SPO11: variants seen among roughly 807,000 people sequenced by gnomAD.
SPO11 encodes the protein SPO11 initiator of meiotic double strand breaks.
SPO11 carries 49 observed loss-of-function variants against 51.6 expected under a neutral mutation model. That is an observed-to-expected ratio of 0.95 (90% CI 0.75 to 1.20). The LOEUF is 1.20. Ranked by LOEUF, SPO11 falls within the 50% of genes most tolerant of loss-of-function variation. The pLI, the probability that SPO11 is intolerant of heterozygous loss-of-function variation, is 0.00. For missense variants in SPO11, 431 were observed against 473.4 expected, an observed-to-expected ratio of 0.91 and a Z score of 0.83; for synonymous variants, 176 against 158.2, an observed-to-expected ratio of 1.11 and a Z score of -0.84.
intron 8 of SPO11, chr20:57,337,910 G>A: frequency 3.9e-6 from 2 of 513,532 alleles, no homozygotes; most frequent in Admixed American, 4.2e-5. Context: ...ATTTTGAGGT[G>A]GAGTTTCACT....
Position 57,329,993 on chromosome 20 carries a change from C to T in SPO11, c.126C>T (p.Ala42=). The change falls in exon 1 of 13, where the codon GCC becomes GCT. Residue 42 remains alanine, a synonymous_variant. Transcript: ENST00000371263. Reference sequence around the variant, plus strand: ...CCCCAACTGGGGGAAGCCGCCTGGCCTCCAGGTACAGGAGCTGGTGCCGAG... The same window carrying T: ...CCCCAACTGGGGGAAGCCGCCTGGCTTCCAGGTACAGGAGCTGGTGCCGAG... The part of the protein sequence containing the change: ...REPPTGGSRL[A]SSSEVLASIE... 1 of 1,597,950 alleles carries T rather than the reference C, an allele frequency of 6.3e-7. No homozygotes were observed. Among genetic ancestry groups the T allele is most frequent in the Non-Finnish European group, 8.5e-7 (1 of 1,174,094 alleles).
chr20:57,331,866 C>T lies in SPO11; in HGVS notation c.165C>T (p.Ile55=). Residue 55 remains isoleucine, a synonymous_variant, in exon 2 of 13, where the codon ATC becomes ATT. Coordinates refer to ENST00000371263, the MANE Select transcript of SPO11 (RefSeq NM_012444.3). ...TTCTTGCATCTATAGAAAATATTAT[C>T]CAAGACATAATCACAAGCTTGGCAA... is the stretch of plus-strand genomic sequence containing the variant. ...SEVLASIENI[I]QDIITSLARN... is the part of the protein sequence containing the mutation. 1 of 1,604,616 alleles carries T rather than the reference C, an allele frequency of 6.2e-7. No individual in the cohort carries two copies. Among genetic ancestry groups the T allele is most frequent in the East Asian group, 2.2e-5 (1 of 44,534 alleles).
chr20:57,337,731 T>A, intron 8 of SPO11: 1 of 1,305,000 alleles, frequency 7.7e-7, no homozygotes, highest in South Asian at 1.2e-5. Context: ...TACATTTTTT[T>A]TTCACAGTCA....
intron 8 of SPO11, chr20:57,337,876 TTTA>T (rs2066532134): frequency 1.6e-6 from 1 of 617,356 alleles, no homozygotes; most frequent in African/African-American, 2.0e-5. Flanking sequence ...TAACCTATAA[TTTA>T]TTATTACTAT....
chr20:57,330,386 T>A (rs1218992267), intron 1 of SPO11, among the ~76,000 whole-genome samples: 2 of 152,280 alleles, frequency 1.3e-5, no homozygotes, highest in East Asian at 3.9e-4. Context: ...TTTTTTTGGT[T>A]TTTATTTTTT....
At position 57,343,338 on chromosome 20, in the gene SPO11, C is replaced by G; in HGVS notation, c.1072-3C>G. 1.2e-6 allele frequency: 2 copies of G among 1,605,252 alleles called. No homozygotes were observed. Among genetic ancestry groups the G allele is most frequent in the African/African-American group, 2.7e-5 (2 of 74,482 alleles). ...TATGAGTACATTTTACTTTTATTGA[C>G]AGATGGAAATAATGGCAGACTCTAA... is the stretch of plus-strand genomic sequence containing the variant. On this transcript the variant is annotated splice_region_variant and splice_polypyrimidine_tract_variant and intron_variant, in intron 12 of 12. Coordinates refer to ENST00000371263, the MANE Select transcript of SPO11 (RefSeq NM_012444.3).
At chr20:57,337,342 C>T (rs190890748) in intron 8 of SPO11, among the ~76,000 whole-genome samples, 5 of 152,284 alleles carry the variant, frequency 3.3e-5, no homozygotes, top group Admixed American at 6.5e-5. Flanking sequence ...GCCAGGTACT[C>T]TTCTAAGTGC....
rs374482597 is a variant in SPO11 at position 57,341,644 on chromosome 20, A to G, written c.960-1085A>G. On this transcript the variant is annotated intron_variant, in intron 11 of 12. Coordinates refer to ENST00000371263, the MANE Select transcript of SPO11 (RefSeq NM_012444.3). ...TCCTATAAAATGAGGGTCCAAGAGG[A>G]AACATTTCATTCTTTATTTTTGAAT... Among the ~76,000 whole-genome samples, 3 of 152,314 alleles carry G rather than the reference A, an allele frequency of 2.0e-5. No individual in the cohort carries two copies. The East Asian group carries it at 5.8e-4, about 29-fold the overall frequency.
In SPO11 at chr20:57,333,626, G is replaced by T. The variant is rs2066475181; in HGVS notation, c.335-61G>T. On this transcript the variant is annotated intron_variant, in intron 3 of 12. Transcript: ENST00000371263. ...AATTAAGTTAAAATCCTTGATAGCAGTATCTTTTGAATCAGTAAGAGAAAT... is the reference window on the plus strand; with the variant it reads ...AATTAAGTTAAAATCCTTGATAGCATTATCTTTTGAATCAGTAAGAGAAAT... 3.3e-6 allele frequency: 3 copies of T among 900,016 alleles called. No homozygotes were observed. In the East Asian group the frequency reaches 7.3e-5, roughly 22 times the overall value. 55.8% of individuals were successfully genotyped at this position (900,016 alleles called of 1,614,324 possible).
intron 11 of SPO11, among the ~76,000 whole-genome samples, chr20:57,342,231 C>T (rs1303350935): frequency 6.6e-6 from 1 of 152,078 alleles, no homozygotes; most frequent in Non-Finnish European, 1.5e-5. Context: ...AAGTGAGACA[C>T]TAACTTCCAT....
At chr20:57,341,120 C>G (rs137999916) in intron 11 of SPO11, among the ~76,000 whole-genome samples, 6 of 152,170 alleles carry the variant, frequency 3.9e-5, no homozygotes, top group African/African-American at 1.4e-4. Flanking sequence ...ATCACTTTTC[C>G]ATGTCAATAA....
chr20:57,342,958 A>G (rs2236330), intron 12 of SPO11, 118 bp downstream of exon 12: 271,658 of 712,618 alleles, frequency 0.38, 53,658 homozygotes, highest in African/African-American at 0.52. Context: ...CACGACTAAC[A>G]TAAGTGTTGT....
chr20:57,335,404 CTT>C lies in SPO11; in HGVS notation c.598-7_598-6del. The C allele has an allele frequency of 6.3e-7, 1 of 1,588,746 alleles. No homozygotes were observed. Among genetic ancestry groups the C allele is most frequent in the Non-Finnish European group, 8.6e-7 (1 of 1,167,070 alleles). On this transcript the variant is annotated splice_polypyrimidine_tract_variant and intron_variant, in intron 6 of 12. Coordinates refer to ENST00000371263, the MANE Select transcript of SPO11 (RefSeq NM_012444.3). ...TTTTGCTTTTTATGTAAGATAAAAA[CTT>C]TTTTTTTAAAAGGCTGTTGCTGTGC...
intron 8 of SPO11, among the ~76,000 whole-genome samples, chr20:57,336,842 G>A (rs1197378628): frequency 6.6e-6 from 1 of 152,196 alleles, no homozygotes; most frequent in Non-Finnish European, 1.5e-5. Context: ...ATTTACTGGT[G>A]TTTATCACAT....
intron 7 of SPO11, 141 bp downstream of exon 7, chr20:57,335,596 C>A: frequency 2.5e-6 from 2 of 792,470 alleles, no homozygotes; most frequent in Non-Finnish European, 4.0e-6. Flanking sequence ...ATGGTCCCTT[C>A]TTTAGTACTC....
rs569163059 is a variant in SPO11 at position 57,340,259 on chromosome 20, A to C, written c.959+81A>C. On this transcript the variant is annotated intron_variant, in intron 11 of 12. Transcript: ENST00000371263. ...AACAATAAGCCTAAAAAGTCACTAC[A>C]AGGGAAAGCTCTTAATGTTTTTTAT... The C allele has an allele frequency of 7.1e-6, 6 of 847,764 alleles. No individual in the cohort carries two copies. In the African/African-American group the frequency reaches 1.0e-4, roughly 14 times the overall value. 52.5% of individuals were successfully genotyped at this position (847,764 alleles called of 1,614,324 possible). A position where few individuals can be genotyped will look rare whatever the true frequency, so the allele number is the denominator to read the frequency against.
In SPO11 at chr20:57,343,613, C is replaced by T; in HGVS notation, c.*153C>T. On this transcript the variant is annotated 3_prime_UTR_variant, in exon 13 of 13. Transcript: ENST00000371263. ...CGTTAATTATATATTTTTGTCAAAACAAATGCTGTACTCCAATTTTCTTTG... is the reference window on the plus strand; with the variant it reads ...CGTTAATTATATATTTTTGTCAAAATAAATGCTGTACTCCAATTTTCTTTG... The T allele has an allele frequency of 1.1e-6, 1 of 880,232 alleles. No individual in the cohort carries two copies. Among genetic ancestry groups the T allele is most frequent in the Non-Finnish European group, 1.6e-6 (1 of 625,562 alleles). The allele number at this position is 880,232 out of a possible 1,614,324, so 54.5% of individuals were successfully genotyped here. A position where few individuals can be genotyped will look rare whatever the true frequency, so the allele number is the denominator to read the frequency against.
Position 57,343,383 on chromosome 20 carries a change from G to A in SPO11, c.1114G>A (p.Ala372Thr), listed in dbSNP as rs781661760. The A allele has an allele frequency of 1.2e-6, 2 of 1,610,526 alleles. No individual in the cohort carries two copies. Among genetic ancestry groups the A allele is most frequent in the South Asian group, 1.1e-5 (1 of 90,432 alleles). ...ADSKMKAEIQ[A>T]LTFLSSDYLS... ...CTCTAAAATGAAGGCAGAAATTCAA[G>A]CTTTGACTTTCCTATCATCAGATTA... The change falls in exon 13 of 13, where the codon GCT becomes ACT. Residue 372 changes from alanine (A) to threonine (T), a missense_variant. Physicochemically the swap from Ala to Thr is moderately conservative, Grantham distance 58. Coordinates refer to ENST00000371263, the MANE Select transcript of SPO11 (RefSeq NM_012444.3).
At chr20:57,343,178 T>C (rs969135955) in intron 12 of SPO11, among the ~76,000 whole-genome samples, 163 bp from the exon 13 acceptor site, 1 of 152,178 alleles carries the variant, frequency 6.6e-6, no homozygotes, top group Non-Finnish European at 1.5e-5. Flanking sequence ...GTACTCTCAC[T>C]CCAGATATTT....
Sources: allele counts gnomAD v4.1 joint callset (sites outside exome capture counted in the v4.1 genomes callset), GRCh38; gene constraint gnomAD v4.1.1; transcripts MANE v1.5; gene names NCBI Gene and HGNC (gene_info 2026-07-23, HGNC 2026-07-21).